Variants in TRAIP observed in about 807,000 individuals in gnomAD.
TRAIP encodes the protein E3 ubiquitin-protein ligase TRAIP.
Under a neutral mutation model 65.0 loss-of-function variants are expected in TRAIP, and 37 were observed. The ratio of observed to expected loss-of-function variants is 0.57; its 90% CI spans 0.44 to 0.75. TRAIP has a LOEUF of 0.75. TRAIP is among the 30% of genes least tolerant of loss of function. The pLI is 0.00. For synonymous variants in TRAIP, 187 were observed against 219.1 expected (o/e 0.85, Z 1.29); for missense variants, 481 against 579.4 (o/e 0.83, Z 1.74).
intron 4 of TRAIP, 175 bp from the exon 5 acceptor site, chr3:49,844,103 G>T: frequency 1.2e-6 from 1 of 842,114 alleles, no homozygotes; most frequent in Non-Finnish European, 1.8e-6. Flanking sequence ...GAGAAGCTGA[G>T]CCAGAGCCTT....
chr3:49,840,182 C>T (rs2081826929), intron 9 of TRAIP, 102 bp downstream of exon 9: 2 of 1,112,298 alleles, frequency 1.8e-6, no homozygotes, highest in Non-Finnish European at 1.3e-6. Flanking sequence ...CCCAGAACCA[C>T]CACTGACTGG....
intron 9 of TRAIP, 48 bp from the exon 10 acceptor site, chr3:49,839,908 G>C (rs1219384610): frequency 6.3e-7 from 1 of 1,575,108 alleles, no homozygotes; most frequent in African/African-American, 1.3e-5. Context: ...GAGGCATCAA[G>C]TCCGGAGATA....
At chr3:49,829,837 G>GA (rs1208534367) in intron 12 of TRAIP, 71 bp from the exon 13 acceptor site, 2 of 1,600,876 alleles carry the variant, frequency 1.2e-6, no homozygotes, top group Non-Finnish European at 1.7e-6. Context: ...AGTGGTGGTG[G>GA]AACAAGATCA....
chr3:49,832,778 C>T (rs983756693), intron 10 of TRAIP, among the ~76,000 whole-genome samples: 5 of 150,302 alleles, frequency 3.3e-5, no homozygotes, highest in African/African-American at 1.2e-4. Context: ...TCTTCCAGCC[C>T]ACCCAGACCT....
At chr3:49,846,275 G>A (rs1311439682) in intron 3 of TRAIP, among the ~76,000 whole-genome samples, 1 of 151,964 alleles carries the variant, frequency 6.6e-6, no homozygotes, top group Non-Finnish European at 1.5e-5. Context: ...TGTTGCTCAG[G>A]CTGGTCTTGA....
intron 5 of TRAIP, chr3:49,843,332 G>A (rs2081854338): frequency 1.3e-5 from 2 of 156,336 alleles, no homozygotes; most frequent in Admixed American, 1.2e-4. Context: ...TCACTCTGCA[G>A]ACTTTGATCT....
intron 10 of TRAIP, among the ~76,000 whole-genome samples, chr3:49,836,925 T>TCTACTCTTC (rs921206295): frequency 2.6e-5 from 4 of 151,998 alleles, no homozygotes; most frequent in Admixed American, 2.6e-4. Context: ...CCTGGAGCTT[T>TCTACTCTTC]CTACTCTTCC....
At chr3:49,829,956 C>G in intron 12 of TRAIP, 64 bp downstream of exon 12, 1 of 1,603,818 alleles carries the variant, frequency 6.2e-7, no homozygotes, top group South Asian at 1.1e-5. Flanking sequence ...CTGGCAAGAC[C>G]GTGCCCTCCC....
chr3:49,842,377 G>T, intron 6 of TRAIP, 76 bp downstream of exon 6: 1 of 1,438,084 alleles, frequency 7.0e-7, no homozygotes, highest in Non-Finnish European at 9.7e-7. Flanking sequence ...CCCACTCCCT[G>T]CTGCAGTCCT....
rs557689987 is a variant in TRAIP, at chr3:49,832,618, T to A, written c.885-550A>T. Among the ~76,000 whole-genome samples the A allele has an allele frequency of 2.1e-5, 3 of 142,100 alleles. No homozygotes were observed. In the East Asian group the frequency reaches 6.6e-4, roughly 31 times the overall value. 93.2% of individuals were successfully genotyped at this position (142,100 alleles called of 152,430 possible). A position where few individuals can be genotyped will look rare whatever the true frequency, so the allele number is the denominator to read the frequency against. ...CATGCAGAAAAAGGAGAAGGAAATA[T>A]TCCACATGTCAACCATAAGTACCTC... On this transcript the variant is annotated intron_variant, in intron 10 of 14. Transcript: ENST00000331456.
rs752789694 is a variant in TRAIP, at chr3:49,841,076, CA to C, written c.618-5del. The C allele has an allele frequency of 1.2e-6, 2 of 1,613,858 alleles. No individual in the cohort carries two copies. Among genetic ancestry groups the C allele is most frequent in the Non-Finnish European group, 1.7e-6 (2 of 1,179,730 alleles). Reference sequence around the variant, plus strand: ...CTCTTTTAGATTCTCGTACTCTCTGCAATGTGGCCATGGAAAGAGATGCCAG... The same window carrying C: ...CTCTTTTAGATTCTCGTACTCTCTGCATGTGGCCATGGAAAGAGATGCCAG... On this transcript the variant is annotated splice_polypyrimidine_tract_variant and splice_region_variant and intron_variant, in intron 7 of 14. Transcript: ENST00000331456.
intron 10 of TRAIP, among the ~76,000 whole-genome samples, chr3:49,836,030 C>T (rs543407118): frequency 1.5e-4 from 23 of 151,416 alleles, no homozygotes; most frequent in Non-Finnish European, 2.9e-4. Flanking sequence ...TAGCACGATT[C>T]TGGCTCACTG....
intron 3 of TRAIP, among the ~76,000 whole-genome samples, chr3:49,847,107 G>C (rs1190517950): frequency 6.6e-6 from 1 of 151,830 alleles, no homozygotes; most frequent in Non-Finnish European, 1.5e-5. Flanking sequence ...TTTAACCTAG[G>C]AGGCAGAGGT....
chr3:49,852,027 A>G (rs1359703024), intron 1 of TRAIP, among the ~76,000 whole-genome samples: 1 of 151,820 alleles, frequency 6.6e-6, no homozygotes, highest in South Asian at 2.1e-4. Flanking sequence ...AAACAGGTAC[A>G]CAAGAAAAAA....
Position 49,841,157 on chromosome 3 carries a change from T to C in TRAIP, c.618-85A>G, listed in dbSNP as rs6776029. ...ACAGCACTAATCTAACACAAAGCAC[T>C]GCCCAACCCCTCAACTCACTCTCAT... On this transcript the variant is annotated intron_variant, in intron 7 of 14. Coordinates refer to ENST00000331456, the MANE Select transcript of TRAIP (RefSeq NM_005879.3). The C allele has an allele frequency of 5.2e-3, 5,902 of 1,140,680 alleles. 223 individuals carry two copies. The African/African-American group carries it at 0.079, about 15-fold the overall frequency. The allele number at this position is 1,140,680 out of a possible 1,614,324, so 70.7% of individuals were successfully genotyped here.
chr3:49,834,939 C>T (rs983325305), intron 10 of TRAIP, among the ~76,000 whole-genome samples: 3 of 152,208 alleles, frequency 2.0e-5, no homozygotes, highest in East Asian at 1.9e-4. Flanking sequence ...CAGTAGCTCA[C>T]GCCTGTAATA....
At chr3:49,833,870 TTC>T (rs1253423505) in intron 10 of TRAIP, among the ~76,000 whole-genome samples, 2 of 152,174 alleles carry the variant, frequency 1.3e-5, no homozygotes, top group African/African-American at 2.4e-5. Context: ...CCTTCCCACT[TTC>T]TGTTTGTCCT....
At chr3:49,839,445 G>A (rs1424511284) in intron 10 of TRAIP, among the ~76,000 whole-genome samples, 1 of 152,162 alleles carries the variant, frequency 6.6e-6, no homozygotes, top group Non-Finnish European at 1.5e-5. Flanking sequence ...TTATTTTACA[G>A]TGGTTTCATA....
intron 10 of TRAIP, among the ~76,000 whole-genome samples, chr3:49,838,431 T>C (rs892005827): frequency 6.6e-6 from 1 of 152,232 alleles, no homozygotes; most frequent in Non-Finnish European, 1.5e-5. Flanking sequence ...ATGTAGTATA[T>C]AGCTGGTTGG....
Sources: allele counts gnomAD v4.1 joint callset (sites outside exome capture counted in the v4.1 genomes callset), GRCh38; gene constraint gnomAD v4.1.1; transcripts MANE v1.5; gene names NCBI Gene and HGNC (gene_info 2026-07-23, HGNC 2026-07-21).